The following VPS37B variants were observed in gnomAD, a reference collection of about 807,000 sequenced individuals.
VPS37B encodes VPS37B subunit of ESCRT-I, also known as vacuolar protein sorting-associated protein 37B.
In VPS37B, 11 loss-of-function variants were observed where a neutral mutation model predicts 21.2. The ratio of observed to expected loss-of-function variants is 0.52; its 90% CI spans 0.33 to 0.86. The LOEUF (loss-of-function observed/expected upper bound fraction) is 0.86. Among genes scored for constraint, VPS37B ranks in the 40% least tolerant of loss-of-function variants. VPS37B has a pLI of 0.03. For synonymous variants in VPS37B, 175 were observed against 159.6 expected (o/e 1.10, Z -0.73); for missense variants, 389 against 374.8 (o/e 1.04, Z -0.31).
intron 1 of VPS37B, among the ~76,000 whole-genome samples, chr12:122,890,786 A>G (rs976535209): frequency 1.3e-5 from 2 of 152,186 alleles, no homozygotes; most frequent in Admixed American, 6.5e-5. Flanking sequence ...AGAGCCCTTC[A>G]TCTTCCCTAA....
intron 1 of VPS37B, 193 bp from the exon 2 acceptor site, chr12:122,871,254 G>C: frequency 7.4e-7 from 1 of 1,356,902 alleles, no homozygotes; most frequent in Non-Finnish European, 9.5e-7. Flanking sequence ...GCTGCTGCCC[G>C]TCGTAAAGAA....
intron 1 of VPS37B, chr12:122,888,272 G>T (rs141742576): frequency 1.2e-3 from 357 of 302,758 alleles, no homozygotes; most frequent in Middle Eastern, 2.4e-3. Context: ...ACGTATTCTA[G>T]AGACAACAAA....
chr12:122,881,700 C>G (rs1223372214), intron 1 of VPS37B: 2 of 152,176 alleles, frequency 1.3e-5, no homozygotes, highest in African/African-American at 4.8e-5. Context: ...GTAATCACAC[C>G]ACTACACTCC....
Position 122,867,326 on chromosome 12 carries a change from C to G in VPS37B, c.648G>C (p.Ala216=). ...CAGTAAACGGGGTGGCTAAGCGTCC[C>G]GCAGGCACCGGGGGTGGTGGGGGGG... ...RIPPPPPPVP[A]GRLATPFTAA... is the part of the protein sequence containing the mutation. Residue 216 remains alanine (A), a synonymous_variant, in exon 4 of 4, where the codon GCG becomes GCC. Coordinates refer to ENST00000267202, the MANE Select transcript of VPS37B (RefSeq NM_024667.3). This position sits in a 1 kb window ranked among gnomAD's most constrained non-coding sequence, Gnocchi z 5.5. 6.5e-7 allele frequency: 1 copy of G among 1,541,188 alleles called. No individual in the cohort carries two copies.
rs145054642 is a variant in VPS37B at position 122,866,960 on chromosome 12, A to G, written c.*156T>C. The G allele has an allele frequency of 1.0e-3, 963 of 932,514 alleles. 3 individuals carry two copies. The Middle Eastern group carries it at 0.012, about 12-fold the overall frequency. The allele number at this position is 932,514 out of a possible 1,614,324, so 57.8% of individuals were successfully genotyped here. ...CTTGATGCCCAAAGCCTGGGCTCCTACTACTCACCACTGACCTACAGTTCT... is the reference window on the plus strand; with the variant it reads ...CTTGATGCCCAAAGCCTGGGCTCCTGCTACTCACCACTGACCTACAGTTCT... On this transcript the variant is annotated 3_prime_UTR_variant, in exon 4 of 4. Coordinates refer to ENST00000267202, the MANE Select transcript of VPS37B (RefSeq NM_024667.3).
rs2033877259 is a variant in VPS37B at position 122,865,395 on chromosome 12, C to T, written c.*1721G>A. 1 of 152,254 alleles carries T rather than the reference C, an allele frequency of 6.6e-6. No homozygotes were observed. The highest frequency in any genetic ancestry group is 6.5e-5 in the Admixed American group (1 of 15,292). 9.4% of individuals were successfully genotyped at this position (152,254 alleles called of 1,614,324 possible). A position where few individuals can be genotyped will look rare whatever the true frequency, so the allele number is the denominator to read the frequency against. On this transcript the variant is annotated 3_prime_UTR_variant, in exon 4 of 4. Coordinates refer to ENST00000267202, the MANE Select transcript of VPS37B (RefSeq NM_024667.3). ...TTTACAGCCACAGCACCGGACACGG[C>T]CCTGGACAGCGACGGCGAGCCCGGC...
At chr12:122,885,442 A>G (rs1162380218) in intron 1 of VPS37B, 1 of 152,116 alleles carries the variant, frequency 6.6e-6, no homozygotes, top group African/African-American at 2.4e-5. Context: ...TCATGTAAGA[A>G]TATTCTGATT....
intron 1 of VPS37B, chr12:122,886,846 T>A (rs1351120158): frequency 1.3e-5 from 2 of 152,278 alleles, no homozygotes; most frequent in South Asian, 2.1e-4. Flanking sequence ...TATTACTAAC[T>A]CCCATTTTAA....
chr12:122,882,871 G>A (rs1458108544), intron 1 of VPS37B: 2 of 152,216 alleles, frequency 1.3e-5, no homozygotes, highest in Non-Finnish European at 2.9e-5. Flanking sequence ...CCAAGCCTAC[G>A]ATGGCCCTTA....
chr12:122,889,039 G>A (rs7966607), intron 1 of VPS37B: 5,858 of 160,236 alleles, frequency 0.037, 383 homozygotes, highest in African/African-American at 0.13. Context: ...TTGAAGCCCG[G>A]TTATCACCAC....
At chr12:122,882,233 T>C (rs539223560) in intron 1 of VPS37B, 2 of 152,250 alleles carry the variant, frequency 1.3e-5, no homozygotes, top group African/African-American at 4.8e-5. Flanking sequence ...ACTGAGTTCA[T>C]ACCTGAGCAA....
intron 1 of VPS37B, chr12:122,884,076 G>A (rs965013108): frequency 3.3e-5 from 5 of 152,246 alleles, no homozygotes; most frequent in African/African-American, 9.6e-5. Flanking sequence ...CAGCAGTAAA[G>A]GCCAGGAAAT....
At chr12:122,890,675 A>C (rs1368517577) in intron 1 of VPS37B, among the ~76,000 whole-genome samples, 2 of 152,192 alleles carry the variant, frequency 1.3e-5, no homozygotes, top group African/African-American at 4.8e-5. Flanking sequence ...TATAATATAC[A>C]TAAAATTTTC....
At position 122,881,629 on chromosome 12, in the gene VPS37B, C is replaced by T. The variant is rs117515238; in HGVS notation, c.112-10568G>A. 4.6e-3 allele frequency: 708 copies of T among 152,306 alleles called. 4 individuals are homozygous for T. The highest frequency in any genetic ancestry group is 8.1e-3 in the Non-Finnish European group (549 of 68,058). 9.4% of individuals were successfully genotyped at this position (152,306 alleles called of 1,614,324 possible). A position where few individuals can be genotyped will look rare whatever the true frequency, so the allele number is the denominator to read the frequency against. ...TGGCAGCATGCACCTGTGGTCCCAA[C>T]TACTGGGAGGCTGAGGAAGGAGGCT... On this transcript the variant is annotated intron_variant, in intron 1 of 3. Transcript: ENST00000267202.
chr12:122,892,339 C>A (rs757366679), intron 1 of VPS37B, among the ~76,000 whole-genome samples: 2 of 152,118 alleles, frequency 1.3e-5, no homozygotes, highest in Non-Finnish European at 2.9e-5. Flanking sequence ...CTGAAACTCA[C>A]ACGCCACAAT....
At chr12:122,874,350 A>T (rs571697619) in intron 1 of VPS37B, 1 of 152,328 alleles carries the variant, frequency 6.6e-6, no homozygotes, top group South Asian at 2.1e-4. Context: ...GCTCTTCAGG[A>T]GGGGCCAGGC....
intron 1 of VPS37B, chr12:122,872,762 AAGTT>A: frequency 1.1e-6 from 1 of 901,328 alleles, no homozygotes; most frequent in South Asian, 5.1e-5. Flanking sequence ...TATGACCCAG[AAGTT>A]GTACTCTTGG....
intron 2 of VPS37B, among the ~76,000 whole-genome samples, chr12:122,869,901 C>A (rs1443133739): frequency 6.6e-6 from 1 of 152,206 alleles, no homozygotes; most frequent in Non-Finnish European, 1.5e-5. Context: ...TGCCACCACC[C>A]CCAGCTCTGA....
chr12:122,869,407 C>G lies in VPS37B; in HGVS notation c.284-845G>C, dbSNP rs887135062. Among the ~76,000 whole-genome samples the G allele has an allele frequency of 3.3e-5, 5 of 152,340 alleles. 1 individual carries two copies. Among genetic ancestry groups the G allele is most frequent in the Middle Eastern group, 3.4e-3 (1 of 294 alleles). On this transcript the variant is annotated intron_variant, in intron 2 of 3. Coordinates refer to ENST00000267202, the MANE Select transcript of VPS37B (RefSeq NM_024667.3). ...AAAGGAGGTGGCTGTGGCAGTGCAGCCTGCAAGCCCCAGATGACCCATGGA... is the reference window on the plus strand; with the variant it reads ...AAAGGAGGTGGCTGTGGCAGTGCAGGCTGCAAGCCCCAGATGACCCATGGA...
Sources: allele counts gnomAD v4.1 joint callset (sites outside exome capture counted in the v4.1 genomes callset), GRCh38; gene constraint gnomAD v4.1.1; non-coding constraint Gnocchi (gnomAD v3.1); transcripts MANE v1.5; gene names NCBI Gene and HGNC (gene_info 2026-07-23, HGNC 2026-07-21).